Variants in CCDC88A observed in about 807,000 individuals in gnomAD.
CCDC88A encodes girdin.
In CCDC88A, 54 loss-of-function variants were observed where a neutral mutation model predicts 234.3. That is an observed-to-expected ratio of 0.23 (90% CI 0.19 to 0.29). The LOEUF (loss-of-function observed/expected upper bound fraction) is 0.29, where lower values mean the gene tolerates loss of function less well. CCDC88A is among the 10% of genes least tolerant of loss of function. The pLI is 1.00. For missense variants in CCDC88A, 1,832 were observed against 2,123.4 expected (o/e 0.86, Z 2.70); for synonymous variants, 753 against 737.8 (o/e 1.02, Z -0.33).
chr2:55,334,231 T>C lies in CCDC88A; in HGVS notation c.2590A>G (p.Lys864Glu). 1.4e-6 allele frequency: 2 copies of C among 1,447,434 alleles called. No individual in the cohort carries two copies. The highest frequency in any genetic ancestry group is 1.8e-6 in the Non-Finnish European group (2 of 1,103,716). The allele number at this position is 1,447,434 out of a possible 1,614,324, so 89.7% of individuals were successfully genotyped here. A position where few individuals can be genotyped will look rare whatever the true frequency, so the allele number is the denominator to read the frequency against. ...ENNVKIGNLE[K>E]ENKTLSKEIG... ...TCTTTGGATAGGGTTTTGTTTTCTTTTTCCAAATTTCCAATCTTCACATTA... is the reference window on the plus strand; with the variant it reads ...TCTTTGGATAGGGTTTTGTTTTCTTCTTCCAAATTTCCAATCTTCACATTA... Residue 864 changes from lysine to glutamate, a missense_variant, in exon 15 of 33, where the codon AAA (lysine) becomes GAA (glutamate). By Grantham distance (56) the Lys-to-Glu change is moderately conservative. This residue lies in a region of CCDC88A where 1,282 missense variants were observed against 1,543.6 expected (regional missense o/e 0.83). Transcript: ENST00000436346. This position sits in a 1 kb window ranked among gnomAD's most constrained non-coding sequence, Gnocchi z 6.1.
rs1310146334 is a variant in CCDC88A at position 55,318,856 on chromosome 2, T to A, written c.3311A>T (p.Asn1104Ile). ...QEQNTTLQTQ[N>I]AKLQVENSTL... ...TTATATTACAACCTGAAGCTTGGCA[T>A]TCTGTGTTTGAAGAGTGGTATTCTG... The change falls in exon 19 of 33, where the codon AAT becomes ATT. Residue 1104 changes from asparagine (N) to isoleucine (I), a missense_variant. Physicochemically the swap from Asn to Ile is moderately radical, Grantham distance 149 (BLOSUM62 -3). Around this residue, in one of 6 missense-constraint regions of CCDC88A, gnomAD observed 1,282 missense variants for 1,543.6 expected, o/e 0.83. Coordinates refer to ENST00000436346, the MANE Select transcript of CCDC88A (RefSeq NM_001365480.1). The A allele has an allele frequency of 6.2e-7, 1 of 1,601,622 alleles. No homozygotes were observed. The highest frequency in any genetic ancestry group is 1.7e-5 in the Admixed American group (1 of 59,786).
In CCDC88A at chr2:55,318,954, T is replaced by G. The variant is rs1683285701; in HGVS notation, c.3213A>C (p.Gln1071His). The G allele has an allele frequency of 1.9e-6, 3 of 1,613,480 alleles. No homozygotes were observed. The highest frequency in any genetic ancestry group is 1.3e-5 in the African/African-American group (1 of 74,932). The stretch of plus-strand genomic sequence containing the variant: ...GCAAATTATTGTTCTGTGTCTCAAG[T>G]TGCTTCAGTTGAGTTTTCAACGCTT... ...EKQALKTQLK[Q>H]LETQNNNLQA... Residue 1071 changes from glutamine to histidine, a missense_variant, in exon 19 of 33, where the codon CAA becomes CAC. Gln to His is a conservative substitution (Grantham distance 24). This residue lies in a region of CCDC88A where 1,282 missense variants were observed against 1,543.6 expected (regional missense o/e 0.83). Transcript: ENST00000436346.
chr2:55,390,229 T>C (rs1676424910), intron 2 of CCDC88A, among the ~76,000 whole-genome samples: 1 of 152,126 alleles, frequency 6.6e-6, no homozygotes, highest in African/African-American at 2.4e-5. Context: ...AAACAGATTC[T>C]TATCTTTGCT....
chr2:55,415,488 C>T (rs1681213365), intron 2 of CCDC88A, among the ~76,000 whole-genome samples: 1 of 152,256 alleles, frequency 6.6e-6, no homozygotes, highest in Non-Finnish European at 1.5e-5. Flanking sequence ...ATGAATCCAA[C>T]AACTGCTCCA....
At chr2:55,296,129 G>A in intron 30 of CCDC88A, 73 bp from the exon 31 acceptor site, 1 of 1,335,784 alleles carries the variant, frequency 7.5e-7, no homozygotes, top group South Asian at 1.4e-5. Flanking sequence ...TTAGCAGACT[G>A]TGCAATATAA....
chr2:55,376,037 C>T (rs1034289581), intron 3 of CCDC88A, among the ~76,000 whole-genome samples: 2 of 152,076 alleles, frequency 1.3e-5, no homozygotes, highest in African/African-American at 2.4e-5. Flanking sequence ...AGATTCTGAA[C>T]GTACAAGGTG....
intron 13 of CCDC88A, chr2:55,337,680 A>G (rs2104699370): frequency 6.6e-6 from 1 of 152,270 alleles, no homozygotes; most frequent in African/African-American, 2.4e-5. Flanking sequence ...CAAAACAAAA[A>G]ACAAAAAAAC....
chr2:55,344,421 C>T lies in CCDC88A; in HGVS notation c.1135G>A (p.Glu379Lys). Residue 379 changes from glutamate (E) to lysine (K), a missense_variant, in exon 11 of 33, where the codon GAA becomes AAA. This residue lies in a region of CCDC88A where 1,282 missense variants were observed against 1,543.6 expected (regional missense o/e 0.83). Coordinates refer to ENST00000436346, the MANE Select transcript of CCDC88A (RefSeq NM_001365480.1). ...GTRARSDKLH[E>K]LEKENLQLKA... is the part of the protein sequence containing the mutation. ...AGTTGTAAGTTCTCTTTTTCTAATTCATGTAATTTATCAGAACGAGCACGA... is the reference window on the plus strand; with the variant it reads ...AGTTGTAAGTTCTCTTTTTCTAATTTATGTAATTTATCAGAACGAGCACGA... 1 of 1,586,644 alleles carries T rather than the reference C, an allele frequency of 6.3e-7. No homozygotes were observed. Among genetic ancestry groups the T allele is most frequent in the Admixed American group, 1.7e-5 (1 of 58,504 alleles).
At chr2:55,313,683 A>AAAAAGC (rs982991688) in intron 22 of CCDC88A, 21 of 152,154 alleles carry the variant, frequency 1.4e-4, no homozygotes, top group African/African-American at 5.1e-4. Flanking sequence ...ATCTGTATTA[A>AAAAAGC]AAAAGCAAAA....
Position 55,295,713 on chromosome 2 carries a change from G to A in CCDC88A, c.5435C>T (p.Ala1812Val), listed in dbSNP as rs1371845671. ...GCTTGTCCTTCGTGTAGTTCCTTCG[G>A]CAGTTGAGATCACGCTGCTTGCACG... ...LPRASSVIST[A>V]EGTTRRTSIH... Residue 1812 changes from alanine to valine, a missense_variant, in exon 31 of 33, where the codon GCC becomes GTC. Around this residue, in one of 6 missense-constraint regions of CCDC88A, gnomAD observed 422 missense variants for 416.5 expected, o/e 1.01. Coordinates refer to ENST00000436346, the MANE Select transcript of CCDC88A (RefSeq NM_001365480.1). 1.6e-5 allele frequency: 26 copies of A among 1,614,038 alleles called. 1 individual carries two copies. The highest frequency in any genetic ancestry group is 2.0e-5 in the Non-Finnish European group (24 of 1,180,020).
chr2:55,390,252 C>A (rs776925652), intron 2 of CCDC88A, among the ~76,000 whole-genome samples: 7 of 152,056 alleles, frequency 4.6e-5, no homozygotes, highest in Non-Finnish European at 8.8e-5. Flanking sequence ...TGCATTGAAT[C>A]CACTGCTTAT....
intron 2 of CCDC88A, among the ~76,000 whole-genome samples, chr2:55,389,533 G>C (rs748625531): frequency 3.1e-4 from 47 of 152,220 alleles, no homozygotes; most frequent in Non-Finnish European, 6.0e-4. Context: ...AAACTGAATA[G>C]AAACGCCTCA....
intron 3 of CCDC88A, among the ~76,000 whole-genome samples, chr2:55,376,657 T>C (rs1673693332): frequency 6.6e-6 from 1 of 152,220 alleles, no homozygotes; most frequent in African/African-American, 2.4e-5. Flanking sequence ...ACTCAATATA[T>C]GCATCATGTT....
intron 28 of CCDC88A, chr2:55,300,398 A>C (rs1435841761): frequency 6.5e-6 from 1 of 152,744 alleles, no homozygotes; most frequent in Non-Finnish European, 1.5e-5. Context: ...AACTCTTAAA[A>C]CCCTGTTTAC....
intron 16 of CCDC88A, among the ~76,000 whole-genome samples, chr2:55,330,382 AGAATCACTT>A (rs1484683350): frequency 2.0e-5 from 3 of 152,092 alleles, no homozygotes; most frequent in Non-Finnish European, 4.4e-5. Flanking sequence ...CTCAGGCAGG[AGAATCACTT>A]GAACCTCGGA....
intron 2 of CCDC88A, among the ~76,000 whole-genome samples, chr2:55,410,553 G>C (rs747100792): frequency 6.6e-6 from 1 of 152,126 alleles, no homozygotes; most frequent in African/African-American, 2.4e-5. Context: ...CTCTCACTCA[G>C]AGTGAAGTTG....
In CCDC88A at chr2:55,335,649, A is replaced by C. The variant is rs142545584; in HGVS notation, c.1657-485T>G. 2.6e-5 allele frequency among the ~76,000 whole-genome samples: 4 copies of C among 152,314 alleles called. No homozygotes were observed. In the East Asian group the frequency reaches 7.7e-4, roughly 29 times the overall value. ...TGTGTGTGTATTCATTCCCAAAAAG[A>C]ATTCTAAGTAGGAAGCATCAAAATC... On this transcript the variant is annotated intron_variant, in intron 14 of 32. Coordinates refer to ENST00000436346, the MANE Select transcript of CCDC88A (RefSeq NM_001365480.1). This position sits in a 1 kb window ranked among gnomAD's most constrained non-coding sequence, Gnocchi z 4.5.
intron 7 of CCDC88A, among the ~76,000 whole-genome samples, chr2:55,360,202 C>A (rs1671105858): frequency 1.3e-5 from 2 of 152,048 alleles, no homozygotes; most frequent in South Asian, 4.1e-4. Context: ...TGTTCTATAG[C>A]ATTAAGAATA....
chr2:55,393,354 G>C (rs1677008073), intron 2 of CCDC88A, among the ~76,000 whole-genome samples: 1 of 126,638 alleles, frequency 7.9e-6, no homozygotes, highest in Non-Finnish European at 1.6e-5. Flanking sequence ...ACAGTGGCAT[G>C]ATCTCAGCTC....
Sources: allele counts gnomAD v4.1 joint callset (sites outside exome capture counted in the v4.1 genomes callset), GRCh38; gene constraint gnomAD v4.1.1; regional missense constraint gnomAD v4.1.1; non-coding constraint Gnocchi (gnomAD v3.1); transcripts MANE v1.5; gene names NCBI Gene and HGNC (gene_info 2026-07-23, HGNC 2026-07-21).